Variants in KLF12 observed in about 807,000 individuals in gnomAD.
KLF12 encodes the protein Krueppel-like factor 12.
In KLF12, 9 loss-of-function variants were observed where a neutral mutation model predicts 37.8. The ratio of observed to expected loss-of-function variants is 0.24; its 90% CI spans 0.14 to 0.42. The LOEUF is 0.42. KLF12 is among the 10% of genes least tolerant of loss of function. The pLI, the probability that KLF12 is intolerant of heterozygous loss-of-function variation, is 1.00. For missense variants in KLF12, 411 were observed against 516.0 expected, an observed-to-expected ratio of 0.80 and a Z score of 1.97; for synonymous variants, 208 against 202.1, an observed-to-expected ratio of 1.03 and a Z score of -0.25.
At position 73,767,467 on chromosome 13, in the gene KLF12, T is replaced by C. The variant is rs148063335; in HGVS notation, c.807-2467A>G. The stretch of plus-strand genomic sequence containing the variant: ...GGGTTCAGGCCTTAGTACTAACTGC[T>C]GGATGTGGAAAGAAAAAACACCACG... On this transcript the variant is annotated intron_variant, in intron 5 of 7. Transcript: ENST00000377669. Among the ~76,000 whole-genome samples the C allele has an allele frequency of 1.4e-3, 219 of 152,340 alleles. 1 individual carries two copies. The highest frequency in any genetic ancestry group is 4.8e-3 in the African/African-American group (199 of 41,578).
chr13:73,800,664 C>A (rs1245169129), intron 5 of KLF12: 3 of 151,846 alleles, frequency 2.0e-5, no homozygotes, highest in Non-Finnish European at 4.4e-5. Flanking sequence ...ATTAGGTTGA[C>A]AAAATAATCA....
At chr13:74,119,681 G>A (rs899137666) in intron 1 of KLF12, among the ~76,000 whole-genome samples, 3 of 152,162 alleles carry the variant, frequency 2.0e-5, no homozygotes, top group African/African-American at 4.8e-5. Flanking sequence ...AGATGGGGGA[G>A]AGGTGCAGAA....
chr13:73,979,777 A>G (rs1891642289), intron 2 of KLF12, among the ~76,000 whole-genome samples: 1 of 152,214 alleles, frequency 6.6e-6, no homozygotes, highest in African/African-American at 2.4e-5. Context: ...AGAAATTCAT[A>G]TGTTGAAGTC....
At chr13:74,122,960 T>TAA (rs58691841) in intron 1 of KLF12, among the ~76,000 whole-genome samples, 24,644 of 113,612 alleles carry the variant, frequency 0.22, 3,186 homozygotes, top group African/African-American at 0.39. Context: ...AACAGGTCAC[T>TAA]AAAAAAAAAA....
Position 73,688,632 on chromosome 13 carries a change from AGACAACT to A in KLF12, c.*6851_*6857del. The stretch of plus-strand genomic sequence containing the variant: ...TATGAGAAAAGTGACAAGTTCGGGG[AGACAACT>A]GGTTGCTATTGTTTGTTTATAATGA... On this transcript the variant is annotated 3_prime_UTR_variant, in exon 8 of 8. Coordinates refer to ENST00000377669, the MANE Select transcript of KLF12 (RefSeq NM_007249.5). 1 of 152,192 alleles carries A rather than the reference AGACAACT, an allele frequency of 6.6e-6. No homozygotes were observed. Among genetic ancestry groups the A allele is most frequent in the African/African-American group, 2.4e-5 (1 of 41,454 alleles). 9.4% of individuals were successfully genotyped at this position (152,192 alleles called of 1,614,324 possible).
At chr13:74,133,097 G>C (rs1390113716) in intron 1 of KLF12, among the ~76,000 whole-genome samples, 2 of 152,184 alleles carry the variant, frequency 1.3e-5, no homozygotes, top group African/African-American at 4.8e-5. Context: ...CTGGCTACTT[G>C]CATGGACCAG....
chr13:73,849,561 A>G (rs1885216218), intron 3 of KLF12, among the ~76,000 whole-genome samples: 1 of 152,066 alleles, frequency 6.6e-6, no homozygotes, highest in South Asian at 2.1e-4. Flanking sequence ...AAGGATTACA[A>G]GTATTAGAGA....
At chr13:73,769,683 C>A (rs1354830898) in intron 5 of KLF12, among the ~76,000 whole-genome samples, 2 of 152,156 alleles carry the variant, frequency 1.3e-5, no homozygotes, top group East Asian at 3.8e-4. Flanking sequence ...TTAATATCAA[C>A]CTTTCTCTGA....
the KLF12 span, among the ~76,000 whole-genome samples, chr13:74,166,225 G>A: frequency 4.6e-5 from 7 of 151,530 alleles, no homozygotes; most frequent in African/African-American, 1.7e-4. Context: ...CCGAGTAGCT[G>A]GGACTGCAAA....
chr13:73,706,233 C>CA (rs1874939439), intron 7 of KLF12, among the ~76,000 whole-genome samples: 1 of 152,062 alleles, frequency 6.6e-6, no homozygotes, highest in Non-Finnish European at 1.5e-5. Flanking sequence ...TATGCTAACA[C>CA]AAACAGAATT....
At chr13:73,787,157 C>T (rs528120927) in intron 5 of KLF12, among the ~76,000 whole-genome samples, 96 of 152,228 alleles carry the variant, frequency 6.3e-4, no homozygotes, top group Middle Eastern at 3.4e-3. Context: ...TCTTGAAGAA[C>T]CTAAATTGTA....
chr13:73,821,787 T>G (rs1279476274), intron 4 of KLF12, among the ~76,000 whole-genome samples: 1 of 152,172 alleles, frequency 6.6e-6, no homozygotes, highest in Non-Finnish European at 1.5e-5. Flanking sequence ...TCCAGCTTTA[T>G]CTAGCCATTT....
At chr13:73,868,328 G>GGT (rs1491190682) in intron 3 of KLF12, among the ~76,000 whole-genome samples, 53 of 15,716 alleles carry the variant, frequency 3.4e-3, no homozygotes, top group Middle Eastern at 0.042. Flanking sequence ...CGGGGGCGGT[G>GGT]GGGGGGGGGG....
chr13:74,061,078 T>C (rs1057165394), intron 1 of KLF12, among the ~76,000 whole-genome samples: 3 of 152,332 alleles, frequency 2.0e-5, no homozygotes, highest in East Asian at 1.9e-4. Flanking sequence ...CCTTGAGGCA[T>C]TGTACAATAA....
the KLF12 span, among the ~76,000 whole-genome samples, chr13:74,240,313 G>A: frequency 7.6e-5 from 10 of 131,086 alleles, no homozygotes; most frequent in Admixed American, 3.1e-4. Context: ...CGAGAGATCC[G>A]CTGTTAGTCT....
At chr13:74,205,271 C>G in the KLF12 span, among the ~76,000 whole-genome samples, 1 of 152,118 alleles carries the variant, frequency 6.6e-6, no homozygotes, top group Non-Finnish European at 1.5e-5. Context: ...CATAATAAAA[C>G]AAATGGCAAC....
At chr13:73,865,347 C>G (rs1377189023) in intron 3 of KLF12, among the ~76,000 whole-genome samples, 1 of 152,066 alleles carries the variant, frequency 6.6e-6, no homozygotes, top group African/African-American at 2.4e-5. Context: ...AAGAAAAGCC[C>G]AAATTTCATT....
At chr13:74,093,905 T>C (rs1593894433) in intron 1 of KLF12, among the ~76,000 whole-genome samples, 1 of 152,080 alleles carries the variant, frequency 6.6e-6, no homozygotes, top group African/African-American at 2.4e-5. Flanking sequence ...AAGTCATTCC[T>C]TCTTAGGAAA....
chr13:73,744,730 G>A (rs530159626), intron 6 of KLF12, among the ~76,000 whole-genome samples: 21 of 152,252 alleles, frequency 1.4e-4, no homozygotes, highest in African/African-American at 2.6e-4. Context: ...ATGACAAAAC[G>A]ATGCTCAGCA....
Sources: gnomAD v4.1 joint callset for allele counts (sites outside exome capture counted in the v4.1 genomes callset) on GRCh38, gnomAD v4.1.1 for gene constraint, MANE v1.5 for transcripts, NCBI Gene and HGNC (gene_info 2026-07-23, HGNC 2026-07-21) for gene names.